USP12: variants seen among roughly 807,000 people sequenced by gnomAD.
USP12 encodes ubiquitin specific peptidase 12, also known as ubiquitin carboxyl-terminal hydrolase 12.
A neutral mutation model predicts 45.5 loss-of-function variants in USP12; 19 were observed. The ratio of observed to expected loss-of-function variants is 0.42; its 90% CI spans 0.29 to 0.61. USP12 has a LOEUF of 0.61. USP12 is among the 20% of genes least tolerant of loss of function. The probability of loss-of-function intolerance (pLI) is 0.22; values close to 1 mark genes in which losing one functional copy is unlikely to be tolerated. For missense variants in USP12, 242 were observed against 447.7 expected (o/e 0.54, Z 4.15); for synonymous variants, 149 against 148.8 (o/e 1.00, Z -0.01).
intron 1 of USP12, among the ~76,000 whole-genome samples, chr13:27,147,827 G>A (rs1476460004): frequency 6.6e-6 from 1 of 152,122 alleles, no homozygotes; most frequent in Non-Finnish European, 1.5e-5. Flanking sequence ...CCATCTAAAT[G>A]TGAAATAAAG....
intron 1 of USP12, among the ~76,000 whole-genome samples, chr13:27,121,306 T>TAA (rs201772631): frequency 1.0e-4 from 14 of 134,232 alleles, no homozygotes; most frequent in African/African-American, 1.1e-4. Context: ...TATGTGATCT[T>TAA]AAAAAAAAAA....
At position 27,116,426 on chromosome 13, in the gene USP12, C is replaced by T. The variant is rs1458823473; in HGVS notation, c.129+90G>A. The T allele has an allele frequency of 6.5e-6, 7 of 1,069,692 alleles. No individual in the cohort carries two copies. The East Asian group carries it at 1.9e-4, about 28-fold the overall frequency. The allele number at this position is 1,069,692 out of a possible 1,614,324, so 66.3% of individuals were successfully genotyped here. On this transcript the variant is annotated intron_variant, in intron 2 of 8. Transcript: ENST00000282344. ...ATTTAATTCTATTAATAGAAAAGAACAATTTTCCTTTAATAACTTATGGAA... is the reference window on the plus strand; with the variant it reads ...ATTTAATTCTATTAATAGAAAAGAATAATTTTCCTTTAATAACTTATGGAA...
chr13:27,117,641 G>A (rs1593193570), intron 1 of USP12: 3 of 377,040 alleles, frequency 8.0e-6, no homozygotes, highest in East Asian at 6.6e-5. Context: ...AATAGCACAC[G>A]GAAAGCAGAC....
At chr13:27,170,553 G>C (rs1878543907) in intron 1 of USP12, among the ~76,000 whole-genome samples, 1 of 152,192 alleles carries the variant, frequency 6.6e-6, no homozygotes, top group Non-Finnish European at 1.5e-5. Context: ...CTAATGAAAC[G>C]AATTTGTCTC....
intron 1 of USP12, among the ~76,000 whole-genome samples, chr13:27,149,228 A>G (rs1387406776): frequency 6.6e-6 from 1 of 152,200 alleles, no homozygotes; most frequent in Non-Finnish European, 1.5e-5. Flanking sequence ...ATAAAAGAGG[A>G]AAAGAGCTCC....
chr13:27,115,909 C>T (rs1875709281), intron 2 of USP12, among the ~76,000 whole-genome samples: 1 of 152,148 alleles, frequency 6.6e-6, no homozygotes, highest in Non-Finnish European at 1.5e-5. Flanking sequence ...CAAGAGATCA[C>T]TTAGACTAGG....
chr13:27,171,724 C>A lies in USP12; in HGVS notation c.-85G>T. 1 of 930,786 alleles carries A rather than the reference C, an allele frequency of 1.1e-6. No individual in the cohort carries two copies. Among genetic ancestry groups the A allele is most frequent in the Non-Finnish European group, 1.3e-6 (1 of 745,120 alleles). 57.7% of individuals were successfully genotyped at this position (930,786 alleles called of 1,614,324 possible). On this transcript the variant is annotated 5_prime_UTR_variant, in exon 1 of 9. Transcript: ENST00000282344. ...GCCGGGCCGCCCGCTCGCACCGCAGCCCGCGGGCGGACCCCGAGCCGCCGC... is the reference window on the plus strand; with the variant it reads ...GCCGGGCCGCCCGCTCGCACCGCAGACCGCGGGCGGACCCCGAGCCGCCGC...
intron 7 of USP12, among the ~76,000 whole-genome samples, chr13:27,074,387 A>G (rs995693282): frequency 6.6e-6 from 1 of 152,060 alleles, no homozygotes; most frequent in South Asian, 2.1e-4. Context: ...GCCACAGAGC[A>G]AGACTCCATC....
At chr13:27,083,799 A>T (rs1873872706) in intron 6 of USP12, among the ~76,000 whole-genome samples, 1 of 152,064 alleles carries the variant, frequency 6.6e-6, no homozygotes, top group African/African-American at 2.4e-5. Context: ...TTTGTGGCAC[A>T]TCATTAACAT....
At chr13:27,098,706 G>C (rs1349832531) in intron 3 of USP12, among the ~76,000 whole-genome samples, 1 of 152,202 alleles carries the variant, frequency 6.6e-6, no homozygotes, top group Non-Finnish European at 1.5e-5. Context: ...GTAAGTATCT[G>C]TGCATGTACC....
Position 27,067,401 on chromosome 13 carries a change from G to T in USP12, c.*1882C>A, listed in dbSNP as rs1873045999. 1 of 152,092 alleles carries T rather than the reference G, an allele frequency of 6.6e-6. No individual in the cohort carries two copies. The highest frequency in any genetic ancestry group is 6.5e-5 in the Admixed American group (1 of 15,268). The allele number at this position is 152,092 out of a possible 1,614,324, so 9.4% of individuals were successfully genotyped here. A position where few individuals can be genotyped will look rare whatever the true frequency, so the allele number is the denominator to read the frequency against. ...CACACTGTTGATTGTGATTCTCTGT[G>T]GCATGTTGGTAGATCAGGCTGGCTT... On this transcript the variant is annotated 3_prime_UTR_variant, in exon 9 of 9. Coordinates refer to ENST00000282344, the MANE Select transcript of USP12 (RefSeq NM_182488.4).
chr13:27,094,625 C>T (rs1252947347), intron 4 of USP12, among the ~76,000 whole-genome samples: 1 of 151,674 alleles, frequency 6.6e-6, no homozygotes, highest in Admixed American at 6.6e-5. Context: ...AAAAACACAA[C>T]ATGAATGATA....
At chr13:27,130,697 TG>T (rs1876460419) in intron 1 of USP12, among the ~76,000 whole-genome samples, 1 of 152,226 alleles carries the variant, frequency 6.6e-6, no homozygotes, top group Admixed American at 6.5e-5. Flanking sequence ...GGTATCACAC[TG>T]GGGTCCCAAA....
chr13:27,108,285 A>C (rs961480437), intron 2 of USP12, among the ~76,000 whole-genome samples: 141 of 152,240 alleles, frequency 9.3e-4, no homozygotes, highest in African/African-American at 3.3e-3. Context: ...TCGCAAGGAC[A>C]AAAAACCAAA....
intron 1 of USP12, among the ~76,000 whole-genome samples, chr13:27,128,630 C>T (rs1209635311): frequency 6.6e-6 from 1 of 152,174 alleles, no homozygotes; most frequent in African/African-American, 2.4e-5. Context: ...AATGTTTCAT[C>T]AAGCTCTTTC....
intron 1 of USP12, among the ~76,000 whole-genome samples, chr13:27,158,106 G>A (rs1877922653): frequency 6.6e-6 from 1 of 152,154 alleles, no homozygotes. Flanking sequence ...TTTTGAAATA[G>A]GGTCTTTACA....
At chr13:27,130,158 G>A (rs1222624336) in intron 1 of USP12, among the ~76,000 whole-genome samples, 2 of 152,138 alleles carry the variant, frequency 1.3e-5, no homozygotes, top group Non-Finnish European at 2.9e-5. Flanking sequence ...GGCTGGCAGC[G>A]GGAACCTTGC....
chr13:27,081,008 A>AT (rs1873732256), intron 6 of USP12, among the ~76,000 whole-genome samples: 1 of 106,824 alleles, frequency 9.4e-6, no homozygotes, highest in East Asian at 2.5e-4. Context: ...TGGCTGAGGC[A>AT]ATTTTTTTTT....
chr13:27,143,523 A>G (rs962358490), intron 1 of USP12, among the ~76,000 whole-genome samples: 2 of 152,234 alleles, frequency 1.3e-5, no homozygotes, highest in African/African-American at 4.8e-5. Context: ...AAGTGCCCTA[A>G]TCATCAATGG....
Sources: allele counts gnomAD v4.1 joint callset (sites outside exome capture counted in the v4.1 genomes callset), GRCh38; gene constraint gnomAD v4.1.1; transcripts MANE v1.5; gene names NCBI Gene and HGNC (gene_info 2026-07-23, HGNC 2026-07-21).